Variants in ZFC3H1 observed in about 807,000 individuals in gnomAD.
ZFC3H1 encodes zinc finger C3H1 domain-containing protein.
In ZFC3H1, 71 loss-of-function variants were observed where a neutral mutation model predicts 243.7. The observed-to-expected ratio is 0.29, with a 90% CI of 0.24 to 0.36. The LOEUF (loss-of-function observed/expected upper bound fraction) is 0.36, where lower values mean the gene tolerates loss of function less well. ZFC3H1 is among the 10% of genes least tolerant of loss of function. ZFC3H1 has a pLI of 1.00. For synonymous variants in ZFC3H1, 838 were observed against 813.0 expected (o/e 1.03, Z -0.52); for missense variants, 1,966 against 2,317.1 (o/e 0.85, Z 3.11).
intron 32 of ZFC3H1, chr12:71,611,520 T>A (rs1879769282): frequency 1.2e-5 from 2 of 168,530 alleles, no homozygotes; most frequent in East Asian, 3.0e-4. Context: ...ATAACAGTAC[T>A]GTCACCTAAA....
At position 71,609,765 on chromosome 12, in the gene ZFC3H1, C is replaced by CT. The variant is rs1396090174; in HGVS notation, c.*662dup. On this transcript the variant is annotated 3_prime_UTR_variant, in exon 35 of 35. Transcript: ENST00000378743. The stretch of plus-strand genomic sequence containing the variant: ...AAATTGCACATAATATTTGACCACT[C>CT]TTAGGTTCTGATGCACTGGCATTTG... 4 of 152,474 alleles carry CT rather than the reference C, an allele frequency of 2.6e-5. No individual in the cohort carries two copies. The highest frequency in any genetic ancestry group is 9.7e-5 in the African/African-American group (4 of 41,416). The allele number at this position is 152,474 out of a possible 1,614,324, so 9.4% of individuals were successfully genotyped here.
At chr12:71,619,046 A>C (rs1879961224) in intron 27 of ZFC3H1, among the ~76,000 whole-genome samples, 1 of 152,242 alleles carries the variant, frequency 6.6e-6, no homozygotes, top group Non-Finnish European at 1.5e-5. Context: ...AATTAACAAC[A>C]ATAACGATAA....
chr12:71,658,406 A>G (rs1881078083), intron 1 of ZFC3H1, among the ~76,000 whole-genome samples: 1 of 147,672 alleles, frequency 6.8e-6, no homozygotes. Flanking sequence ...CTCCTGTCTC[A>G]GCCTCCTGAG....
Position 71,632,211 on chromosome 12 carries a change from T to C in ZFC3H1, c.3121A>G (p.Arg1041Gly). Residue 1041 changes from arginine (R) to glycine (G), a missense_variant, in exon 15 of 35, where the codon AGA becomes GGA. Arg to Gly is a moderately radical substitution (Grantham distance 125). Around this residue, in one of 4 missense-constraint regions of ZFC3H1, gnomAD observed 1,383 missense variants for 1,723.7 expected, o/e 0.80. Coordinates refer to ENST00000378743, the MANE Select transcript of ZFC3H1 (RefSeq NM_144982.5). ...VDDEILSGSS[R>G]ERRRSFLESN... ...TCTAAAAAAGATCTTCTTCGCTCTC[T>C]GCTTGAACCAGACAAAATTTCATCA... is the stretch of plus-strand genomic sequence containing the variant. 1.2e-6 allele frequency: 2 copies of C among 1,609,264 alleles called. No individual in the cohort carries two copies. Among genetic ancestry groups the C allele is most frequent in the Non-Finnish European group, 1.7e-6 (2 of 1,178,574 alleles).
intron 27 of ZFC3H1, among the ~76,000 whole-genome samples, chr12:71,618,520 T>A (rs1879945676): frequency 6.6e-6 from 1 of 152,208 alleles, no homozygotes; most frequent in South Asian, 2.1e-4. Context: ...CATGCCTATT[T>A]TTGTAAACAG....
At chr12:71,654,200 G>A (rs1334397205) in intron 2 of ZFC3H1, among the ~76,000 whole-genome samples, 1 of 152,112 alleles carries the variant, frequency 6.6e-6, no homozygotes, top group Non-Finnish European at 1.5e-5. Context: ...AGCATTTTAG[G>A]AGGCTAAGGC....
In ZFC3H1 at chr12:71,663,613, G is replaced by A. The variant is rs752435979; in HGVS notation, c.-3C>T. On this transcript the variant is annotated 5_prime_UTR_variant, in exon 1 of 35. Coordinates refer to ENST00000378743, the MANE Select transcript of ZFC3H1 (RefSeq NM_144982.5). ...GCCGGAGTATCTGCGGTCGCCATCC[G>A]GGGAGCAGCGCCTTCCACACAACCT... is the stretch of plus-strand genomic sequence containing the variant. 4 of 1,606,074 alleles carry A rather than the reference G, an allele frequency of 2.5e-6. No homozygotes were observed. Among genetic ancestry groups the A allele is most frequent in the Non-Finnish European group, 2.5e-6 (3 of 1,178,342 alleles).
rs576161884 is a variant in ZFC3H1, at chr12:71,643,481, T to G, written c.1503+614A>C. Among the ~76,000 whole-genome samples the G allele has an allele frequency of 6.6e-5, 10 of 152,224 alleles. No homozygotes were observed. In the South Asian group the frequency reaches 1.2e-3, roughly 19 times the overall value. The stretch of plus-strand genomic sequence containing the variant: ...TTGCTTAAGCAAACCTAACTCCAAT[T>G]AACGAATTTACTCTTTAATATCCCT... On this transcript the variant is annotated intron_variant, in intron 5 of 34. Transcript: ENST00000378743.
In ZFC3H1 at chr12:71,632,067, C is replaced by A; in HGVS notation, c.3265G>T (p.Gly1089Cys). The change falls in exon 15 of 35, where the codon GGT (glycine) becomes TGT (cysteine). Residue 1089 changes from glycine to cysteine, a missense_variant. Physicochemically the swap from Gly to Cys is radical, Grantham distance 159. Coordinates refer to ENST00000378743, the MANE Select transcript of ZFC3H1 (RefSeq NM_144982.5). ...TTTGAATACAATTTTTGCAATTCAC[C>A]AATTTTTAACCCTAGAAAAAGTTCT... ...KPELFLGLKI[G>C]ELQKLYSKAD... The A allele has an allele frequency of 1.2e-6, 2 of 1,608,622 alleles. No homozygotes were observed. Among genetic ancestry groups the A allele is most frequent in the East Asian group, 4.5e-5 (2 of 44,824 alleles).
chr12:71,612,362 T>C lies in ZFC3H1; in HGVS notation c.5628-475A>G, dbSNP rs1879794752. On this transcript the variant is annotated intron_variant, in intron 31 of 34. Transcript: ENST00000378743. Reference sequence around the variant, plus strand: ...GAGGAAATAAGTATCAAAACACAGATGTAGGGATTTACCAACAAAATAAAC... The same window carrying C: ...GAGGAAATAAGTATCAAAACACAGACGTAGGGATTTACCAACAAAATAAAC... Among the ~76,000 whole-genome samples the C allele has an allele frequency of 1.3e-5, 2 of 152,102 alleles. 1 individual carries two copies. Among genetic ancestry groups the C allele is most frequent in the Non-Finnish European group, 2.9e-5 (2 of 67,976 alleles).
intron 2 of ZFC3H1, among the ~76,000 whole-genome samples, chr12:71,655,721 A>C (rs534149909): frequency 1.3e-5 from 2 of 152,296 alleles, no homozygotes; most frequent in South Asian, 4.1e-4. Flanking sequence ...AGTATCTCAG[A>C]ATGTTTCCAA....
In ZFC3H1 at chr12:71,624,253, C is replaced by T. The variant is rs925670421; in HGVS notation, c.4357G>A (p.Val1453Ile). The change falls in exon 23 of 35, where the codon GTA becomes ATA. Residue 1453 changes from valine (V) to isoleucine (I), a missense_variant. Val to Ile is a conservative substitution (Grantham distance 29, BLOSUM62 3). Transcript: ENST00000378743. ...LESTFEEKDYVCERMLEFLMG... is the reference protein window; with the variant it reads ...LESTFEEKDYICERMLEFLMG... ...AGAAACTCCAACATTCTCTCACATA[C>T]GTAATCCTTTTCTTCAAAGGTACTT... is the stretch of plus-strand genomic sequence containing the variant. The T allele has an allele frequency of 5.0e-6, 8 of 1,613,120 alleles. No individual in the cohort carries two copies. Among genetic ancestry groups the T allele is most frequent in the East Asian group, 4.5e-5 (2 of 44,868 alleles).
In ZFC3H1 at chr12:71,656,993, G is replaced by C. The variant is rs372996400; in HGVS notation, c.907C>G (p.Pro303Ala). The C allele has an allele frequency of 1.4e-5, 23 of 1,613,812 alleles. No homozygotes were observed. In the African/African-American group the frequency reaches 2.9e-4, roughly 21 times the overall value. ...GGTAAAGTCAATTTTTGCCTGAGTGGTTTTAATTCAAATGCCTGAAAAGTT... is the reference window on the plus strand; with the variant it reads ...GGTAAAGTCAATTTTTGCCTGAGTGCTTTTAATTCAAATGCCTGAAAAGTT... ...VKTFQAFELK[P>A]LRQKLTLPGD... Residue 303 changes from proline (P) to alanine (A), a missense_variant, in exon 2 of 35, where the codon CCA (proline) becomes GCA (alanine). By Grantham distance (27) the Pro-to-Ala change is conservative. Around this residue, in one of 4 missense-constraint regions of ZFC3H1, gnomAD observed 484 missense variants for 449.7 expected, o/e 1.08. Coordinates refer to ENST00000378743, the MANE Select transcript of ZFC3H1 (RefSeq NM_144982.5).
At chr12:71,646,013 G>A (rs766017529) in intron 3 of ZFC3H1, among the ~76,000 whole-genome samples, 2 of 152,048 alleles carry the variant, frequency 1.3e-5, no homozygotes, top group Non-Finnish European at 2.9e-5. Flanking sequence ...GATTCCAAAA[G>A]ATTAAGGCCC....
Position 71,620,221 on chromosome 12 carries a change from T to G in ZFC3H1, c.4839A>C (p.Gln1613His). 1 of 1,614,096 alleles carries G rather than the reference T, an allele frequency of 6.2e-7. No individual in the cohort carries two copies. The highest frequency in any genetic ancestry group is 8.5e-7 in the Non-Finnish European group (1 of 1,180,004). ...PLYTNMIALHQLLERYEAAME... is the reference protein window; with the variant it reads ...PLYTNMIALHHLLERYEAAME... ...CAATTAAGTTGTACCTCTCCAGGAG[T>G]TGGTGCAGAGCAATCATGTTTGTGT... The change falls in exon 25 of 35, where the codon CAA becomes CAC. Residue 1613 changes from glutamine to histidine, a missense_variant. By Grantham distance (24) the Gln-to-His change is conservative. Around this residue, in one of 4 missense-constraint regions of ZFC3H1, gnomAD observed 1,383 missense variants for 1,723.7 expected, o/e 0.80. Transcript: ENST00000378743.
rs1244202011 is a variant in ZFC3H1 at position 71,632,310 on chromosome 12, A to G, written c.3022T>C (p.Ser1008Pro). 1 of 1,613,910 alleles carries G rather than the reference A, an allele frequency of 6.2e-7. No homozygotes were observed. The highest frequency in any genetic ancestry group is 8.5e-7 in the Non-Finnish European group (1 of 1,179,876). ...SPVVEEEPEF[S>P]LPQPSLHDLT... is the part of the protein sequence containing the mutation. ...TCATGAAGTGAGGGTTGAGGTAAAG[A>G]AAATTCGGGTTCCTCTTCCACAACT... The change falls in exon 15 of 35, where the codon TCT becomes CCT. Residue 1008 changes from serine (S) to proline (P), a missense_variant. Coordinates refer to ENST00000378743, the MANE Select transcript of ZFC3H1 (RefSeq NM_144982.5).
intron 17 of ZFC3H1, 36 bp from the exon 18 acceptor site, chr12:71,630,757 T>C (rs1250193176): frequency 6.2e-7 from 1 of 1,610,270 alleles, no homozygotes; most frequent in African/African-American, 1.3e-5. Context: ...GATAATCATG[T>C]ACATATCAAA....
At chr12:71,649,223 T>C (rs1880814302) in intron 2 of ZFC3H1, among the ~76,000 whole-genome samples, 1 of 152,134 alleles carries the variant, frequency 6.6e-6, no homozygotes, top group Non-Finnish European at 1.5e-5. Context: ...ATCTGAGCCA[T>C]GTAGGAATAC....
chr12:71,620,555 C>A lies in ZFC3H1; in HGVS notation c.4745-240G>T, dbSNP rs146667727. On this transcript the variant is annotated intron_variant, in intron 24 of 34. Transcript: ENST00000378743. The stretch of plus-strand genomic sequence containing the variant: ...ACTTTCCTGGTAAGAATAAAGCCAT[C>A]CCATATGAGCTTTTGCATCTATCAG... Among the ~76,000 whole-genome samples, 78 of 152,276 alleles carry A rather than the reference C, an allele frequency of 5.1e-4. 1 individual carries two copies. The East Asian group carries it at 0.014, about 27-fold the overall frequency.
Sources: gnomAD v4.1 joint callset for allele counts (sites outside exome capture counted in the v4.1 genomes callset) on GRCh38, gnomAD v4.1.1 for gene constraint, gnomAD v4.1.1 regional missense constraint, MANE v1.5 for transcripts, NCBI Gene and HGNC (gene_info 2026-07-23, HGNC 2026-07-21) for gene names.